The following DIAPH3 variants were observed in gnomAD, a reference collection of about 807,000 sequenced individuals.
The protein encoded by DIAPH3 is protein diaphanous homolog 3.
A neutral mutation model predicts 144.3 loss-of-function variants in DIAPH3; 117 were observed. That is an observed-to-expected ratio of 0.81 (90% CI 0.70 to 0.95). The LOEUF (loss-of-function observed/expected upper bound fraction) is 0.95, where lower values mean the gene tolerates loss of function less well. Ranked by LOEUF, DIAPH3 falls within the 40% of genes least tolerant of loss-of-function variation. The pLI is 0.00. For synonymous variants in DIAPH3, 519 were observed against 488.9 expected, an observed-to-expected ratio of 1.06 and a Z score of -0.81; for missense variants, 1,421 against 1,412.7, an observed-to-expected ratio of 1.01 and a Z score of -0.09.
At chr13:59,783,191 G>A (rs777288835) in intron 25 of DIAPH3, among the ~76,000 whole-genome samples, 11 of 152,248 alleles carry the variant, frequency 7.2e-5, no homozygotes, top group Non-Finnish European at 7.4e-5. Flanking sequence ...GCCCAAGTAA[G>A]TTACAGAAGT....
At chr13:60,010,502 A>G in intron 8 of DIAPH3, 31 bp downstream of exon 8, 1 of 1,537,270 alleles carries the variant, frequency 6.5e-7, no homozygotes, top group Admixed American at 2.0e-5. Flanking sequence ...AAATTATTAT[A>G]TAATTAGGGG....
chr13:59,880,601 C>G lies in DIAPH3; in HGVS notation c.2368-1133G>C, dbSNP rs544413582. ...AATAATGACCGTTACTTAAAATATACTAGACAAAGGCTTATAAGACTCCAA... is the reference window on the plus strand; with the variant it reads ...AATAATGACCGTTACTTAAAATATAGTAGACAAAGGCTTATAAGACTCCAA... On this transcript the variant is annotated intron_variant, in intron 20 of 27. Transcript: ENST00000400324. Among the ~76,000 whole-genome samples, 2 of 152,104 alleles carry G rather than the reference C, an allele frequency of 1.3e-5. 1 individual carries two copies. The highest frequency in any genetic ancestry group is 4.1e-4 in the South Asian group (2 of 4,822).
intron 5 of DIAPH3, among the ~76,000 whole-genome samples, chr13:60,032,906 AT>A (rs2054911522): frequency 6.6e-6 from 1 of 152,170 alleles, no homozygotes; most frequent in Admixed American, 6.5e-5. Context: ...TCAAATATAA[AT>A]TTCTTTGCTC....
At chr13:59,898,151 A>AAG (rs2046230571) in intron 20 of DIAPH3, among the ~76,000 whole-genome samples, 3 of 150,318 alleles carry the variant, frequency 2.0e-5, no homozygotes, top group African/African-American at 7.3e-5. Flanking sequence ...AAAAAAAAAA[A>AAG]AAAAAGAAAA....
chr13:59,820,083 C>T (rs976045728), intron 24 of DIAPH3, among the ~76,000 whole-genome samples: 1 of 151,670 alleles, frequency 6.6e-6, no homozygotes, highest in Non-Finnish European at 1.5e-5. Context: ...ATTACAGTAC[C>T]ATTAATGAAG....
At chr13:59,838,781 A>C (rs1433003775) in intron 23 of DIAPH3, 1 of 155,112 alleles carries the variant, frequency 6.4e-6, no homozygotes, top group East Asian at 1.9e-4. Context: ...CTATTATCTA[A>C]GCTGATAAAA....
At chr13:59,797,838 C>T (rs888762997) in intron 25 of DIAPH3, among the ~76,000 whole-genome samples, 1 of 152,132 alleles carries the variant, frequency 6.6e-6, no homozygotes, top group Non-Finnish European at 1.5e-5. Flanking sequence ...CAGAGGTTCT[C>T]GGTTAATCTA....
At chr13:59,796,565 G>C (rs1415770441) in intron 25 of DIAPH3, among the ~76,000 whole-genome samples, 2 of 152,306 alleles carry the variant, frequency 1.3e-5, no homozygotes, top group East Asian at 3.9e-4. Flanking sequence ...AAAACTATGA[G>C]ATTCATAAAT....
chr13:60,061,192 G>A (rs953957294), intron 4 of DIAPH3, among the ~76,000 whole-genome samples: 4 of 152,012 alleles, frequency 2.6e-5, no homozygotes, highest in African/African-American at 4.8e-5. Flanking sequence ...TATGGGCCAC[G>A]GCAGAGTCAG....
chr13:59,776,942 A>AAACC lies in DIAPH3; in HGVS notation c.3164-2120_3164-2119insGGTT, dbSNP rs1195098725. Among the ~76,000 whole-genome samples, 15 of 151,996 alleles carry AAACC rather than the reference A, an allele frequency of 9.9e-5. No individual in the cohort carries two copies. In the East Asian group the frequency reaches 2.9e-3, roughly 29 times the overall value. On this transcript the variant is annotated intron_variant, in intron 25 of 27. Transcript: ENST00000400324. ...GCTTAACAAAACAAAACAAACAAAC[A>AAACC]AACAAACAAAAAAACCCTTTTCCTA...
At chr13:59,838,461 ATATC>A (rs1304440308) in intron 23 of DIAPH3, 1 of 152,028 alleles carries the variant, frequency 6.6e-6, no homozygotes, top group African/African-American at 2.4e-5. Flanking sequence ...GGTTAGGAAA[ATATC>A]AATACAAGTA....
At chr13:59,943,546 T>C (rs2048648932) in intron 17 of DIAPH3, among the ~76,000 whole-genome samples, 1 of 152,154 alleles carries the variant, frequency 6.6e-6, no homozygotes. Context: ...ATTCACTCAC[T>C]CACTCCCTCC....
At chr13:60,039,406 G>A (rs2055469123) in intron 5 of DIAPH3, among the ~76,000 whole-genome samples, 2 of 151,714 alleles carry the variant, frequency 1.3e-5, no homozygotes, top group Non-Finnish European at 2.9e-5. Context: ...CAGGTTCAAG[G>A]GATTCTCGTG....
At chr13:59,928,056 G>A (rs998784688) in intron 17 of DIAPH3, among the ~76,000 whole-genome samples, 2 of 151,962 alleles carry the variant, frequency 1.3e-5, no homozygotes, top group African/African-American at 2.4e-5. Context: ...CACATGTCAC[G>A]CAGACTTTTT....
chr13:59,949,386 A>T, intron 17 of DIAPH3, among the ~76,000 whole-genome samples: 1 of 152,190 alleles, frequency 6.6e-6, no homozygotes, highest in Non-Finnish European at 1.5e-5. Flanking sequence ...CCTAATAGAT[A>T]TAACAGTCTA....
chr13:59,680,180 C>G (rs2032864301), intron 27 of DIAPH3, among the ~76,000 whole-genome samples: 1 of 152,212 alleles, frequency 6.6e-6, no homozygotes, highest in African/African-American at 2.4e-5. Context: ...ACACACACAC[C>G]TACACATTAG....
chr13:59,716,178 A>AT (rs2035042294), intron 27 of DIAPH3, among the ~76,000 whole-genome samples: 1 of 57,820 alleles, frequency 1.7e-5, no homozygotes, highest in Admixed American at 2.0e-4. Context: ...TATCCAAGAA[A>AT]CTTATTTTTT....
chr13:59,865,576 T>C (rs982244747), intron 21 of DIAPH3, among the ~76,000 whole-genome samples: 3 of 152,064 alleles, frequency 2.0e-5, no homozygotes, highest in African/African-American at 7.2e-5. Flanking sequence ...TATTTATGTA[T>C]TGTTTCTTTA....
chr13:59,677,293 T>A (rs1199188510), intron 27 of DIAPH3, among the ~76,000 whole-genome samples: 1 of 152,098 alleles, frequency 6.6e-6, no homozygotes, highest in East Asian at 1.9e-4. Flanking sequence ...CATTTTTTTG[T>A]GCTTTTGGGT....
Sources: gnomAD v4.1 joint callset for allele counts (sites outside exome capture counted in the v4.1 genomes callset) on GRCh38, gnomAD v4.1.1 for gene constraint, MANE v1.5 for transcripts, NCBI Gene and HGNC (gene_info 2026-07-23, HGNC 2026-07-21) for gene names.